Variants in ITIH5 observed in about 807,000 individuals in gnomAD.
ITIH5 encodes the protein inter-alpha-trypsin inhibitor heavy chain 5.
Under a neutral mutation model 77.5 loss-of-function variants are expected in ITIH5, and 65 were observed. The ratio of observed to expected loss-of-function variants is 0.84; its 90% CI spans 0.69 to 1.03. ITIH5 has a LOEUF of 1.03. ITIH5 is among the 50% of genes least tolerant of loss of function. ITIH5 has a pLI of 0.00. For missense variants in ITIH5, 1,208 were observed against 1,213.1 expected, an observed-to-expected ratio of 1.00 and a Z score of 0.06; for synonymous variants, 525 against 494.3, an observed-to-expected ratio of 1.06 and a Z score of -0.82.
At position 7,562,949 on chromosome 10, in the gene ITIH5, G is replaced by T. The variant is rs1270233906; in HGVS notation, c.*134C>A. ...TCGCCCAGACAGACGTCGGATCTATGCTGCACCAGGGGTGGGTCATGGAGT... is the reference window on the plus strand; with the variant it reads ...TCGCCCAGACAGACGTCGGATCTATTCTGCACCAGGGGTGGGTCATGGAGT... On this transcript the variant is annotated 3_prime_UTR_variant, in exon 14 of 14. Coordinates refer to ENST00000397146, the MANE Select transcript of ITIH5 (RefSeq NM_030569.7). 15 of 511,302 alleles carry T rather than the reference G, an allele frequency of 2.9e-5. No homozygotes were observed. The highest frequency in any genetic ancestry group is 4.1e-5 in the Non-Finnish European group (11 of 265,272). 31.7% of individuals were successfully genotyped at this position (511,302 alleles called of 1,614,324 possible). A position where few individuals can be genotyped will look rare whatever the true frequency, so the allele number is the denominator to read the frequency against.
intron 2 of ITIH5, among the ~76,000 whole-genome samples, chr10:7,642,504 C>A (rs959868876): frequency 6.6e-6 from 1 of 152,158 alleles, no homozygotes; most frequent in Admixed American, 6.5e-5. Flanking sequence ...AAAACCGGAA[C>A]ATGACTAACA....
At chr10:7,657,632 T>C in intron 1 of ITIH5, among the ~76,000 whole-genome samples, 1 of 141,494 alleles carries the variant, frequency 7.1e-6, no homozygotes, top group African/African-American at 2.7e-5. Flanking sequence ...GACCTGCACC[T>C]ACATTTACTA....
chr10:7,590,661 G>A (rs1304472244), intron 7 of ITIH5, among the ~76,000 whole-genome samples: 3 of 152,216 alleles, frequency 2.0e-5, no homozygotes, highest in Admixed American at 2.0e-4. Flanking sequence ...CATCCACCAT[G>A]TCTTAATATT....
At chr10:7,628,973 A>ATGTTGTAGCGTGTATCCATGTTGTAGTG (rs1833649402) in intron 5 of ITIH5, among the ~76,000 whole-genome samples, 1 of 67,564 alleles carries the variant, frequency 1.5e-5, no homozygotes, top group African/African-American at 6.9e-5. Context: ...GTGTTGTAGC[A>ATGTTGTAGCGTGTATCCATGTTGTAGTG]TGTGTCCGTG....
Position 7,566,423 on chromosome 10 carries a change from G to C in ITIH5, c.2150-16C>G. The C allele has an allele frequency of 1.9e-6, 3 of 1,577,668 alleles. No individual in the cohort carries two copies. Among genetic ancestry groups the C allele is most frequent in the Non-Finnish European group, 2.6e-6 (3 of 1,156,272 alleles). The stretch of plus-strand genomic sequence containing the variant: ...ACTGTGACACCTCAAAGGCCAAGGG[G>C]AAAAGAAGAAGGTTAGAAAATCTGA... On this transcript the variant is annotated splice_polypyrimidine_tract_variant and intron_variant, in intron 12 of 13. Transcript: ENST00000397146.
intron 7 of ITIH5, among the ~76,000 whole-genome samples, chr10:7,589,250 G>T (rs553464796): frequency 1.3e-5 from 2 of 152,308 alleles, no homozygotes; most frequent in East Asian, 3.9e-4. Flanking sequence ...TTGAGGTCAG[G>T]AGTTCAAGAC....
At chr10:7,647,238 C>T (rs916661793) in intron 2 of ITIH5, among the ~76,000 whole-genome samples, 3 of 152,228 alleles carry the variant, frequency 2.0e-5, no homozygotes. Context: ...GCAGGCCACA[C>T]TGTTTGTAAA....
At chr10:7,603,055 A>T (rs1263788310) in intron 7 of ITIH5, among the ~76,000 whole-genome samples, 1 of 152,178 alleles carries the variant, frequency 6.6e-6, no homozygotes, top group Non-Finnish European at 1.5e-5. Flanking sequence ...CACTGAAGAA[A>T]TCCTACACCT....
chr10:7,662,848 T>C (rs1834300493), intron 1 of ITIH5, among the ~76,000 whole-genome samples: 1 of 152,190 alleles, frequency 6.6e-6, no homozygotes, highest in African/African-American at 2.4e-5. Context: ...GCTTACAAAA[T>C]CTTTCACTGG....
chr10:7,659,645 C>G (rs1322577364), intron 1 of ITIH5, among the ~76,000 whole-genome samples: 4 of 152,144 alleles, frequency 2.6e-5, no homozygotes, highest in African/African-American at 4.8e-5. Flanking sequence ...GAAGTTTTCT[C>G]TTTTGTAAAA....
chr10:7,630,820 T>C (rs1833700051), intron 5 of ITIH5, among the ~76,000 whole-genome samples: 1 of 152,140 alleles, frequency 6.6e-6, no homozygotes, highest in Non-Finnish European at 1.5e-5. Flanking sequence ...TCTATCTCTT[T>C]CTTTCGTGTT....
intron 5 of ITIH5, among the ~76,000 whole-genome samples, chr10:7,631,220 T>C (rs1019926417): frequency 2.0e-5 from 3 of 152,168 alleles, no homozygotes; most frequent in African/African-American, 7.2e-5. Context: ...TTCATTGGCA[T>C]GGGTGAGGCT....
chr10:7,641,207 G>T (rs1329776851), intron 3 of ITIH5, among the ~76,000 whole-genome samples: 1 of 152,138 alleles, frequency 6.6e-6, no homozygotes, highest in East Asian at 1.9e-4. Context: ...TTGGCTCAGA[G>T]AAGGAGGAAA....
chr10:7,594,028 A>G (rs1393415803), intron 7 of ITIH5, among the ~76,000 whole-genome samples: 1 of 152,210 alleles, frequency 6.6e-6, no homozygotes. Context: ...CTTTCTGCAC[A>G]TCGTGTTCAG....
intron 1 of ITIH5, among the ~76,000 whole-genome samples, chr10:7,663,102 A>T (rs1473043333): frequency 6.6e-6 from 1 of 152,256 alleles, no homozygotes; most frequent in East Asian, 1.9e-4. Flanking sequence ...AATTCAACTA[A>T]ATTATAAAAG....
intron 5 of ITIH5, among the ~76,000 whole-genome samples, chr10:7,629,142 C>T (rs1447164211): frequency 1.5e-5 from 2 of 136,558 alleles, no homozygotes; most frequent in African/African-American, 2.6e-5. Flanking sequence ...AGCATGTGTC[C>T]GTGTTGTGGC....
intron 9 of ITIH5, chr10:7,578,732 C>T (rs1054064252): frequency 1.3e-5 from 2 of 152,198 alleles, no homozygotes; most frequent in African/African-American, 4.8e-5. Flanking sequence ...GTAGATACCA[C>T]ATATGCCACG....
intron 1 of ITIH5, among the ~76,000 whole-genome samples, chr10:7,656,864 C>T (rs1467819724): frequency 6.6e-6 from 1 of 150,944 alleles, no homozygotes; most frequent in African/African-American, 2.4e-5. Context: ...CTGCCTCAGC[C>T]TCTGGAGTAG....
intron 7 of ITIH5, among the ~76,000 whole-genome samples, chr10:7,613,018 G>A (rs1833282111): frequency 6.6e-6 from 1 of 152,180 alleles, no homozygotes; most frequent in African/African-American, 2.4e-5. Context: ...GCTGAGGTGG[G>A]CAGATTACCT....
Sources: allele counts gnomAD v4.1 joint callset (sites outside exome capture counted in the v4.1 genomes callset), GRCh38; gene constraint gnomAD v4.1.1; transcripts MANE v1.5; gene names NCBI Gene and HGNC (gene_info 2026-07-23, HGNC 2026-07-21).